Variants in TMEM248 observed in about 807,000 individuals in gnomAD.
TMEM248 encodes the protein transmembrane protein 248.
TMEM248 carries 9 observed loss-of-function variants against 30.3 expected under a neutral mutation model. The observed-to-expected ratio is 0.30, with a 90% CI of 0.18 to 0.52. The LOEUF (loss-of-function observed/expected upper bound fraction) is 0.52. Ranked by LOEUF, TMEM248 falls within the 20% of genes least tolerant of loss-of-function variation. TMEM248 has a pLI of 0.97. For missense variants in TMEM248, 338 were observed against 403.3 expected (o/e 0.84, Z 1.39); for synonymous variants, 184 against 154.4 (o/e 1.19, Z -1.42).
chr7:66,925,887 C>T (rs1214442105), intron 1 of TMEM248, among the ~76,000 whole-genome samples: 14 of 151,760 alleles, frequency 9.2e-5, no homozygotes, highest in East Asian at 3.9e-4. Flanking sequence ...ATAATCCACC[C>T]GCCTCAGCCT....
chr7:66,947,235 A>C (rs1334398273), intron 3 of TMEM248, among the ~76,000 whole-genome samples: 8 of 150,772 alleles, frequency 5.3e-5, no homozygotes, highest in Non-Finnish European at 1.0e-4. Context: ...AAAAAAAAAA[A>C]CAAGAAACAA....
At chr7:66,949,972 G>A (rs1016063124) in intron 4 of TMEM248, among the ~76,000 whole-genome samples, 1 of 152,084 alleles carries the variant, frequency 6.6e-6, no homozygotes, top group South Asian at 2.1e-4. Flanking sequence ...GACATTTGGA[G>A]GTTTGTAGGA....
chr7:66,948,608 C>CAG lies in TMEM248; in HGVS notation c.510_511insAG (p.Cys171SerfsTer17). The CAG allele has an allele frequency of 1.9e-6, 3 of 1,614,172 alleles. No individual in the cohort carries two copies. Among genetic ancestry groups the CAG allele is most frequent in the Non-Finnish European group, 2.5e-6 (3 of 1,180,006 alleles). Reference sequence around the variant, plus strand: ...TGCCTACAGCGTGGAGCTCAGATGACTGCGCCCTCCACGGTCACTGTGAGC... The same window carrying CAG: ...TGCCTACAGCGTGGAGCTCAGATGACAGTGCGCCCTCCACGGTCACTGTGAGC... On this transcript the variant is annotated frameshift_variant, in exon 4 of 7. Coordinates refer to ENST00000341567, the MANE Select transcript of TMEM248 (RefSeq NM_017994.5). LOFTEE classifies it high-confidence loss of function.
At chr7:66,929,911 A>G (rs1252258510) in intron 1 of TMEM248, among the ~76,000 whole-genome samples, 1 of 152,114 alleles carries the variant, frequency 6.6e-6, no homozygotes, top group East Asian at 1.9e-4. Flanking sequence ...CTGTAATCCC[A>G]GCATTTGGGA....
chr7:66,953,386 G>A lies in TMEM248; in HGVS notation c.924+17G>A. 2 of 1,611,986 alleles carry A rather than the reference G, an allele frequency of 1.2e-6. No homozygotes were observed. The highest frequency in any genetic ancestry group is 8.5e-7 in the Non-Finnish European group (1 of 1,178,664). ...CCCGAGAAGGTGAGCGGTGGATGGG[G>A]TCCGGGCCAGCATTTTACTAGAGGT... On this transcript the variant is annotated intron_variant, in intron 6 of 6. Transcript: ENST00000341567.
intron 4 of TMEM248, 77 bp from the exon 5 acceptor site, chr7:66,950,875 C>T (rs1478561111): frequency 4.5e-5 from 56 of 1,254,240 alleles, no homozygotes; most frequent in Middle Eastern, 2.7e-4. Context: ...AGTGTTTTAC[C>T]AGCTGCTGTG....
At chr7:66,929,244 G>A (rs546800457) in intron 1 of TMEM248, among the ~76,000 whole-genome samples, 9 of 152,078 alleles carry the variant, frequency 5.9e-5, no homozygotes, top group African/African-American at 1.9e-4. Context: ...CTTAATTTCC[G>A]TATCTGTAAA....
In TMEM248 at chr7:66,945,000, T is replaced by G. The variant is rs1298835338; in HGVS notation, c.184T>G (p.Phe62Val). Residue 62 changes from phenylalanine (F) to valine (V), a missense_variant, in exon 3 of 7, where the codon TTC becomes GTC. Coordinates refer to ENST00000341567, the MANE Select transcript of TMEM248 (RefSeq NM_017994.5). ...GGATTGGAATACTTTTCTGCTACGG[T>G]TCAATGATTTGGACTTGTGTGTATC... ...AEDWNTFLLRFNDLDLCVSEN... is the reference protein window; with the variant it reads ...AEDWNTFLLRVNDLDLCVSEN... 7 of 1,614,158 alleles carry G rather than the reference T, an allele frequency of 4.3e-6. No individual in the cohort carries two copies. In the South Asian group the frequency reaches 5.5e-5, roughly 13 times the overall value.
intron 1 of TMEM248, among the ~76,000 whole-genome samples, chr7:66,928,964 T>A (rs980298533): frequency 6.6e-6 from 1 of 152,042 alleles, no homozygotes; most frequent in African/African-American, 2.4e-5. Context: ...AATTTTGTAT[T>A]CTTTGTAGAC....
chr7:66,952,557 T>C lies in TMEM248; in HGVS notation c.781-669T>C, dbSNP rs959230039. Among the ~76,000 whole-genome samples the C allele has an allele frequency of 4.6e-5, 7 of 152,296 alleles. No homozygotes were observed. In the South Asian group the frequency reaches 1.5e-3, roughly 32 times the overall value. ...CTGAGCTGCCCCGCTATGTTATAAATGACCTGGGGGAGCCCAGAGCTGTCC... is the reference window on the plus strand; with the variant it reads ...CTGAGCTGCCCCGCTATGTTATAAACGACCTGGGGGAGCCCAGAGCTGTCC... On this transcript the variant is annotated intron_variant, in intron 5 of 6. Transcript: ENST00000341567.
intron 6 of TMEM248, among the ~76,000 whole-genome samples, chr7:66,954,929 T>A (rs563197625): frequency 1.5e-4 from 23 of 152,096 alleles, no homozygotes; most frequent in Non-Finnish European, 2.9e-4. Flanking sequence ...TCCTCTGTAG[T>A]TCCATCAGCA....
At chr7:66,938,700 G>A (rs780209059) in intron 1 of TMEM248, among the ~76,000 whole-genome samples, 9 of 152,258 alleles carry the variant, frequency 5.9e-5, no homozygotes, top group African/African-American at 2.2e-4. Context: ...TAGAGACGGG[G>A]TTTCACCATA....
intron 1 of TMEM248, among the ~76,000 whole-genome samples, chr7:66,940,872 A>C (rs1791928594): frequency 6.6e-6 from 1 of 152,218 alleles, no homozygotes; most frequent in Non-Finnish European, 1.5e-5. Context: ...CTTTCTGTAC[A>C]TGTTGTGTAT....
At chr7:66,941,561 A>AAC (rs72442084) in intron 1 of TMEM248, among the ~76,000 whole-genome samples, 16,920 of 142,580 alleles carry the variant, frequency 0.12, 1,189 homozygotes, top group African/African-American at 0.21. Flanking sequence ...TGTTTCTTAA[A>AAC]ACACACACAC....
At chr7:66,952,223 G>A (rs548536864) in intron 5 of TMEM248, among the ~76,000 whole-genome samples, 8 of 152,262 alleles carry the variant, frequency 5.3e-5, no homozygotes, top group African/African-American at 1.9e-4. Flanking sequence ...ACAGGCACCT[G>A]CCAACACGCC....
intron 3 of TMEM248, 49 bp from the exon 4 acceptor site, chr7:66,948,495 A>G (rs753615736): frequency 1.4e-5 from 22 of 1,577,988 alleles, no homozygotes; most frequent in Middle Eastern, 1.7e-4. Context: ...CCAGAGAATG[A>G]CAAGTACGTG....
At chr7:66,944,918 C>T (rs892196834) in intron 2 of TMEM248, 58 bp from the exon 3 acceptor site, 110 of 1,577,758 alleles carry the variant, frequency 7.0e-5, no homozygotes, top group Non-Finnish European at 8.8e-5. Flanking sequence ...CCTGTATTCC[C>T]GCAGTGGGAG....
intron 1 of TMEM248, among the ~76,000 whole-genome samples, chr7:66,925,545 T>C (rs1320704152): frequency 6.6e-6 from 1 of 152,102 alleles, no homozygotes; most frequent in African/African-American, 2.4e-5. Flanking sequence ...TTATTTCTCT[T>C]AGTATAACGT....
At chr7:66,925,529 C>T (rs1791499525) in intron 1 of TMEM248, among the ~76,000 whole-genome samples, 2 of 152,028 alleles carry the variant, frequency 1.3e-5, no homozygotes, top group African/African-American at 4.8e-5. Context: ...TGCTTCTATG[C>T]CTGGCTTATT....
Sources: gnomAD v4.1 joint callset for allele counts (sites outside exome capture counted in the v4.1 genomes callset) on GRCh38, gnomAD v4.1.1 for gene constraint, MANE v1.5 for transcripts, NCBI Gene and HGNC (gene_info 2026-07-23, HGNC 2026-07-21) for gene names.